Variants in WWC2 observed in about 807,000 individuals in gnomAD.
WWC2 encodes protein WWC2.
In WWC2, 101 loss-of-function variants were observed where a neutral mutation model predicts 138.5. The observed-to-expected ratio is 0.73, with a 90% CI of 0.62 to 0.86. The LOEUF is 0.86. WWC2 is among the 40% of genes least tolerant of loss of function. The probability of loss-of-function intolerance (pLI) is 0.00; values close to 1 mark genes in which losing one functional copy is unlikely to be tolerated. For synonymous variants in WWC2, 558 were observed against 538.4 expected, an observed-to-expected ratio of 1.04 and a Z score of -0.50; for missense variants, 1,420 against 1,419.4, an observed-to-expected ratio of 1.00 and a Z score of -0.01.
rs867970666 is a variant in WWC2, at chr4:183,282,809, G to T, written c.2786G>T (p.Cys929Phe). The stretch of plus-strand genomic sequence containing the variant: ...AGCTGTACAGAAGATTTAAGTTCAT[G>T]CACTAGTGTGCCTGAGATGAATGAA... ...DSSCTEDLSSCTSVPEMNEDG... is the reference protein window; with the variant it reads ...DSSCTEDLSSFTSVPEMNEDG... Residue 929 changes from cysteine to phenylalanine, a missense_variant, in exon 18 of 23, where the codon TGC (cysteine) becomes TTC (phenylalanine). Cys to Phe is a radical substitution (Grantham distance 205). Coordinates refer to ENST00000403733, the MANE Select transcript of WWC2 (RefSeq NM_024949.6). 6.3e-7 allele frequency: 1 copy of T among 1,587,760 alleles called. No individual in the cohort carries two copies. Among genetic ancestry groups the T allele is most frequent in the South Asian group, 1.2e-5 (1 of 86,710 alleles).
At chr4:183,180,103 CTA>C (rs1023576813) in intron 1 of WWC2, among the ~76,000 whole-genome samples, 1 of 152,066 alleles carries the variant, frequency 6.6e-6, no homozygotes, top group African/African-American at 2.4e-5. Flanking sequence ...AAGTGTGAAA[CTA>C]TAAAAGGGGC....
chr4:183,230,874 A>T (rs1371022298), intron 4 of WWC2, among the ~76,000 whole-genome samples: 1 of 152,228 alleles, frequency 6.6e-6, no homozygotes, highest in African/African-American at 2.4e-5. Context: ...GAAAATTTAT[A>T]CTATTACATT....
Position 183,108,555 on chromosome 4 carries a change from G to GA in WWC2, c.131+8938dup, listed in dbSNP as rs537262158. ...CCAGGGGTGGAGGAGTCCTGGGCTG[G>GA]AAAAAGGACATTAGGTGAAAACTAA... On this transcript the variant is annotated intron_variant, in intron 1 of 22. Coordinates refer to ENST00000403733, the MANE Select transcript of WWC2 (RefSeq NM_024949.6). 1.7e-3 allele frequency among the ~76,000 whole-genome samples: 265 copies of GA among 151,964 alleles called. 3 individuals are homozygous for GA. The highest frequency in any genetic ancestry group is 6.0e-3 in the African/African-American group (249 of 41,496).
chr4:183,196,751 A>G (rs1735154675), intron 2 of WWC2, among the ~76,000 whole-genome samples: 2 of 152,040 alleles, frequency 1.3e-5, no homozygotes, highest in Admixed American at 6.5e-5. Flanking sequence ...CACAGCCCCT[A>G]GGCCCTCCCT....
chr4:183,297,204 C>G (rs1330077843), intron 21 of WWC2, among the ~76,000 whole-genome samples: 1 of 152,060 alleles, frequency 6.6e-6, no homozygotes, highest in Non-Finnish European at 1.5e-5. Context: ...AACTCCTGAT[C>G]TCAAGCAAGC....
At position 183,268,964 on chromosome 4, in the gene WWC2, TTTG is replaced by T; in HGVS notation, c.2208-6_2208-4del. On this transcript the variant is annotated splice_polypyrimidine_tract_variant and splice_region_variant and intron_variant, in intron 14 of 22. Coordinates refer to ENST00000403733, the MANE Select transcript of WWC2 (RefSeq NM_024949.6). Reference sequence around the variant, plus strand: ...TATGAAATCCATTTTATTCTTGTTCTTTGCAGATATTTTAGGGTTGCCGTTCTT... The same window carrying T: ...TATGAAATCCATTTTATTCTTGTTCTCAGATATTTTAGGGTTGCCGTTCTT... 6.2e-7 allele frequency: 1 copy of T among 1,607,504 alleles called. No homozygotes were observed. The highest frequency in any genetic ancestry group is 8.5e-7 in the Non-Finnish European group (1 of 1,177,598).
At position 183,222,340 on chromosome 4, in the gene WWC2, G is replaced by A. The variant is rs996672551; in HGVS notation, c.522+13315G>A. 2.6e-5 allele frequency among the ~76,000 whole-genome samples: 4 copies of A among 151,800 alleles called. No homozygotes were observed. The East Asian group carries it at 5.8e-4, about 22-fold the overall frequency. On this transcript the variant is annotated intron_variant, in intron 4 of 22. Coordinates refer to ENST00000403733, the MANE Select transcript of WWC2 (RefSeq NM_024949.6). ...TAGAACTAATAAATAGAATCTATAT[G>A]TATTTTATATATATGTAAAATCTTT...
At chr4:183,173,749 T>TC (rs1734364400) in intron 1 of WWC2, among the ~76,000 whole-genome samples, 1 of 152,090 alleles carries the variant, frequency 6.6e-6, no homozygotes, top group Admixed American at 6.5e-5. Flanking sequence ...CGGGGATTCA[T>TC]CCAGAGCCAC....
intron 4 of WWC2, among the ~76,000 whole-genome samples, chr4:183,211,907 C>T (rs139365615): frequency 9.9e-5 from 15 of 152,118 alleles, no homozygotes; most frequent in African/African-American, 1.9e-4. Context: ...CTGCAAGCTC[C>T]GCTTCCTGGG....
chr4:183,158,016 C>T (rs972447622), intron 1 of WWC2, among the ~76,000 whole-genome samples: 1 of 152,024 alleles, frequency 6.6e-6, no homozygotes, highest in Admixed American at 6.6e-5. Flanking sequence ...CCCTTTCCTC[C>T]ATCTCACCTT....
intron 1 of WWC2, among the ~76,000 whole-genome samples, chr4:183,150,046 A>G (rs1053324392): frequency 6.6e-6 from 1 of 152,134 alleles, no homozygotes; most frequent in Admixed American, 6.5e-5. Flanking sequence ...GAAACTGAAC[A>G]TACCTAGAAA....
intron 6 of WWC2, among the ~76,000 whole-genome samples, chr4:183,246,266 CA>C (rs1408514338): frequency 2.0e-5 from 3 of 152,138 alleles, no homozygotes; most frequent in Non-Finnish European, 4.4e-5. Context: ...TCCTTCCCTC[CA>C]TCCCAAACAC....
intron 4 of WWC2, among the ~76,000 whole-genome samples, chr4:183,230,163 C>A (rs529151677): frequency 2.0e-5 from 3 of 151,820 alleles, no homozygotes; most frequent in Non-Finnish European, 4.4e-5. Context: ...GGTCTCGCTA[C>A]GGTACCTAGG....
At chr4:183,170,003 A>G (rs968073235) in intron 1 of WWC2, among the ~76,000 whole-genome samples, 12 of 152,236 alleles carry the variant, frequency 7.9e-5, no homozygotes, top group African/African-American at 2.4e-4. Context: ...AAAGAACAGT[A>G]TCATTCAAAG....
At chr4:183,249,062 A>G (rs1043613175) in intron 7 of WWC2, among the ~76,000 whole-genome samples, 14 of 152,114 alleles carry the variant, frequency 9.2e-5, no homozygotes, top group Non-Finnish European at 1.6e-4. Context: ...GGATTTGTCC[A>G]TATGAGTAGC....
At chr4:183,122,606 G>A (rs758038914) in intron 1 of WWC2, among the ~76,000 whole-genome samples, 7 of 151,986 alleles carry the variant, frequency 4.6e-5, no homozygotes, top group African/African-American at 7.3e-5. Flanking sequence ...TGCAGTCTCC[G>A]CCTCCCAGGC....
intron 1 of WWC2, among the ~76,000 whole-genome samples, chr4:183,184,450 T>G (rs1734735243): frequency 6.6e-6 from 1 of 152,238 alleles, no homozygotes; most frequent in South Asian, 2.1e-4. Flanking sequence ...TGCACACACA[T>G]GTACTTATTC....
intron 1 of WWC2, among the ~76,000 whole-genome samples, chr4:183,109,963 G>A (rs1314974648): frequency 6.6e-6 from 1 of 152,182 alleles, no homozygotes; most frequent in Non-Finnish European, 1.5e-5. Flanking sequence ...TTACTCTTAA[G>A]GTAAGAATGA....
At chr4:183,223,418 C>T (rs1735983329) in intron 4 of WWC2, among the ~76,000 whole-genome samples, 1 of 152,208 alleles carries the variant, frequency 6.6e-6, no homozygotes, top group Admixed American at 6.5e-5. Flanking sequence ...CACATCTCAT[C>T]CATTTTATCT....
Sources: allele counts gnomAD v4.1 joint callset (sites outside exome capture counted in the v4.1 genomes callset), GRCh38; gene constraint gnomAD v4.1.1; transcripts MANE v1.5; gene names NCBI Gene and HGNC (gene_info 2026-07-23, HGNC 2026-07-21).